ZNF44: variants seen among roughly 807,000 people sequenced by gnomAD.
ZNF44 encodes gonadotropin inducible transcription repressor-2.
In ZNF44, 9 loss-of-function variants were observed where a neutral mutation model predicts 11.7. The ratio of observed to expected loss-of-function variants is 0.77; its 90% confidence interval spans 0.46 to 1.35. ZNF44 has a LOEUF of 1.35. ZNF44 is among the 40% of genes most tolerant of loss of function. ZNF44 has a pLI of 0.00. For synonymous variants in ZNF44, 224 were observed against 242.7 expected (o/e 0.92, Z 0.72); for missense variants, 696 against 743.1 (o/e 0.94, Z 0.74).
rs150900225 is a variant in ZNF44 at position 12,273,617 on chromosome 19, C to T, written c.638G>A (p.Arg213His). Residue 213 changes from arginine (R) to histidine (H), a missense_variant, in exon 4 of 4, where the codon CGT becomes CAT. Transcript: ENST00000355684. Reference sequence around the variant, plus strand: ...TCCAGTGTGAGTTCTTTCATGCATACGTAATAAACTGGGCCAAAAAAAGGC... The same window carrying T: ...TCCAGTGTGAGTTCTTTCATGCATATGTAATAAACTGGGCCAAAAAAAGGC... The part of the protein sequence containing the change: ...GKAFFWPSLL[R>H]MHERTHTGEK... The T allele has an allele frequency of 5.9e-5, 95 of 1,614,110 alleles. No homozygotes were observed. Among genetic ancestry groups the T allele is most frequent in the African/African-American group, 1.9e-4 (14 of 75,030 alleles).
intron 1 of ZNF44, chr19:12,276,314 T>A: frequency 1.7e-6 from 1 of 602,818 alleles, no homozygotes; most frequent in Non-Finnish European, 2.9e-6. Flanking sequence ...TATTGGTGAA[T>A]TATGCAAGTG....
rs773743680 is a variant in ZNF44, at chr19:12,272,945, C to T, written c.1310G>A (p.Arg437Gln). 1.7e-5 allele frequency: 28 copies of T among 1,613,598 alleles called. No individual in the cohort carries two copies. The highest frequency in any genetic ancestry group is 9.9e-5 in the South Asian group (9 of 91,058). The change falls in exon 4 of 4, where the codon CGA becomes CAA. Residue 437 changes from arginine to glutamine, a missense_variant. By Grantham distance (43) the Arg-to-Gln change is conservative. Transcript: ENST00000355684. ...TCCAGTGTGTGTTGTTTCATGTTTT[C>T]GAAGGGAACTGGAAGTACGGAAGGC... is the stretch of plus-strand genomic sequence containing the variant. ...GKAFRTSSSLRKHETTHTGEQ... is the reference protein window; with the variant it reads ...GKAFRTSSSLQKHETTHTGEQ...
intron 3 of ZNF44, among the ~76,000 whole-genome samples, chr19:12,274,423 C>A (rs896699016): frequency 3.3e-5 from 5 of 151,896 alleles, no homozygotes; most frequent in African/African-American, 1.2e-4. Context: ...CAGGCATGCA[C>A]CACCACACCC....
At chr19:12,234,661 C>T (rs1382493443) in intron 2 of ZNF44, 1 of 152,206 alleles carries the variant, frequency 6.6e-6, no homozygotes, top group Non-Finnish European at 1.5e-5. Flanking sequence ...AAAATAGTAT[C>T]CTCACCTATA....
At chr19:12,261,921 T>G (rs1047233839) in intron 5 of ZNF44, among the ~76,000 whole-genome samples, 3 of 152,236 alleles carry the variant, frequency 2.0e-5, no homozygotes, top group Non-Finnish European at 4.4e-5. Context: ...CTATTAGCCA[T>G]TATTTTTAAT....
upstream of ZNF44, chr19:12,238,228 C>CG (rs61002167): frequency 0.061 from 9,282 of 152,216 alleles, 964 homozygotes; most frequent in African/African-American, 0.21. Flanking sequence ...CGATGGCTCA[C>CG]CCTATAATCC....
At chr19:12,260,917 A>G (rs1000043932) in intron 5 of ZNF44, among the ~76,000 whole-genome samples, 14 of 152,204 alleles carry the variant, frequency 9.2e-5, no homozygotes, top group African/African-American at 3.4e-4. Context: ...GTGGTGGTCA[A>G]TATCTAGACA....
upstream of ZNF44, among the ~76,000 whole-genome samples, chr19:12,239,835 A>T (rs1916550352): frequency 6.6e-6 from 1 of 151,878 alleles, no homozygotes; most frequent in Non-Finnish European, 1.5e-5. Flanking sequence ...GGCTTCCCAA[A>T]GTGCTGGGAT....
chr19:12,290,870 GGA>G (rs1967982575), intron 1 of ZNF44, among the ~76,000 whole-genome samples: 1 of 152,140 alleles, frequency 6.6e-6, no homozygotes, highest in Non-Finnish European at 1.5e-5. Context: ...GCCTCCACTT[GGA>G]GTCACTGGCC....
rs78088043 is a variant in ZNF44 at position 12,291,711 on chromosome 19, G to A, written c.3+2981C>T. 3.6e-3 allele frequency among the ~76,000 whole-genome samples: 547 copies of A among 151,916 alleles called. 20 individuals carry two copies. In the East Asian group the frequency reaches 0.1, roughly 28 times the overall value. On this transcript the variant is annotated intron_variant, in intron 1 of 3. Coordinates refer to ENST00000355684, the MANE Select transcript of ZNF44 (RefSeq NM_016264.4). The stretch of plus-strand genomic sequence containing the variant: ...CATGTCTCAAAAAAAAAAGAAAAAG[G>A]CTGCGTGCAGTGGCTCACACCTGTA...
chr19:12,268,181 C>CACACACACACACA (rs1555739618), downstream of ZNF44, among the ~76,000 whole-genome samples: 1 of 140,534 alleles, frequency 7.1e-6, no homozygotes, highest in African/African-American at 2.8e-5. Flanking sequence ...CACACACACA[C>CACACACACACACA]AAGCTCCTTC....
intron 1 of ZNF44, among the ~76,000 whole-genome samples, chr19:12,289,829 C>T (rs1167470216): frequency 6.6e-6 from 1 of 151,854 alleles, no homozygotes; most frequent in African/African-American, 2.4e-5. Context: ...GATGGGGTTT[C>T]ACCATGTTAG....
chr19:12,260,777 AG>A (rs1408974204), intron 5 of ZNF44, among the ~76,000 whole-genome samples: 1 of 152,188 alleles, frequency 6.6e-6, no homozygotes, highest in African/African-American at 2.4e-5. Flanking sequence ...CAGACTTGGT[AG>A]GGCTCAACAA....
chr19:12,278,637 G>A (rs1167177868), intron 1 of ZNF44, among the ~76,000 whole-genome samples: 1 of 151,882 alleles, frequency 6.6e-6, no homozygotes, highest in East Asian at 1.9e-4. Flanking sequence ...GAAAGTAGGA[G>A]AATTGCTTGA....
At chr19:12,268,139 C>CAG (rs1917800781), downstream of ZNF44, among the ~76,000 whole-genome samples, 1 of 128,566 alleles carries the variant, frequency 7.8e-6, no homozygotes, top group African/African-American at 2.9e-5. Flanking sequence ...CTTACACACA[C>CAG]ACACAGACAC....
At chr19:12,234,583 CCA>C (rs1916304008) in intron 2 of ZNF44, 1 of 152,222 alleles carries the variant, frequency 6.6e-6, no homozygotes. Context: ...TACCTCCTTT[CCA>C]CATTCCAAAT....
intron 5 of ZNF44, among the ~76,000 whole-genome samples, chr19:12,254,547 A>G (rs933781672): frequency 1.3e-5 from 2 of 152,072 alleles, no homozygotes; most frequent in African/African-American, 4.8e-5. Flanking sequence ...ACTCTGGCCA[A>G]CCTGGTGAAA....
intron 1 of ZNF44, among the ~76,000 whole-genome samples, chr19:12,279,760 A>T (rs1967386123): frequency 1.3e-5 from 2 of 151,962 alleles, no homozygotes; most frequent in Admixed American, 1.3e-4. Context: ...AAGATACAAC[A>T]ACTTAAATGA....
downstream of ZNF44, among the ~76,000 whole-genome samples, chr19:12,266,944 T>A (rs1186104868): frequency 6.6e-6 from 1 of 152,100 alleles, no homozygotes; most frequent in African/African-American, 2.4e-5. Context: ...GAGGGCTTGA[T>A]GTCCTCCAGG....
Sources: gnomAD v4.1 joint callset for allele counts (sites outside exome capture counted in the v4.1 genomes callset) on GRCh38, gnomAD v4.1.1 for gene constraint, MANE v1.5 for transcripts, NCBI Gene and HGNC (gene_info 2026-07-23, HGNC 2026-07-21) for gene names.